Variants in WWP1 observed in about 807,000 individuals in gnomAD.
WWP1 encodes WW domain containing E3 ubiquitin protein ligase 1.
WWP1 carries 49 observed loss-of-function variants against 130.6 expected under a neutral mutation model. The observed-to-expected ratio is 0.38, with a 90% CI of 0.30 to 0.48. WWP1 has a LOEUF of 0.48. Ranked by LOEUF, WWP1 falls within the 20% of genes least tolerant of loss-of-function variation. The pLI is 0.99. For missense variants in WWP1, 809 were observed against 1,100.6 expected, an observed-to-expected ratio of 0.74 and a Z score of 3.75; for synonymous variants, 332 against 367.8, an observed-to-expected ratio of 0.90 and a Z score of 1.11.
chr8:86,344,608 G>C (rs1822457116), intron 1 of WWP1, among the ~76,000 whole-genome samples: 1 of 152,194 alleles, frequency 6.6e-6, no homozygotes, highest in Non-Finnish European at 1.5e-5. Context: ...AATCCTCTCA[G>C]AAGTCAACTT....
In WWP1 at chr8:86,342,919, G is replaced by A; in HGVS notation, c.-126G>A. 2.9e-6 allele frequency: 1 copy of A among 350,206 alleles called. No homozygotes were observed. Among genetic ancestry groups the A allele is most frequent in the Non-Finnish European group, 5.1e-6 (1 of 194,850 alleles). The allele number at this position is 350,206 out of a possible 1,614,324, so 21.7% of individuals were successfully genotyped here. On this transcript the variant is annotated 5_prime_UTR_variant, in exon 1 of 25. Transcript: ENST00000517970. ...GCCGCCCGGCTGCCGGGAGCCGACA[G>A]CTTCGCGCCGGGTAAGGACGGCGCG...
intron 21 of WWP1, among the ~76,000 whole-genome samples, chr8:86,455,411 C>T (rs1811380731): frequency 1.3e-5 from 2 of 151,838 alleles, no homozygotes. Flanking sequence ...TGATTTTCAG[C>T]TTAGATTAGA....
rs543678766 is a variant in WWP1 at position 86,372,406 on chromosome 8, C to T, written c.-21-1624C>T. On this transcript the variant is annotated intron_variant, in intron 2 of 24. Coordinates refer to ENST00000517970, the MANE Select transcript of WWP1 (RefSeq NM_007013.4). ...AACTCCTGACCTCAGGTGATCCACCCGCCTTGGCCTGCCAAAGTGCTGGGA... is the reference window on the plus strand; with the variant it reads ...AACTCCTGACCTCAGGTGATCCACCTGCCTTGGCCTGCCAAAGTGCTGGGA... Among the ~76,000 whole-genome samples, 134 of 152,312 alleles carry T rather than the reference C, an allele frequency of 8.8e-4. 1 individual carries two copies. The highest frequency in any genetic ancestry group is 3.0e-3 in the African/African-American group (123 of 41,570).
At chr8:86,389,498 C>T (rs1825490740) in intron 5 of WWP1, among the ~76,000 whole-genome samples, 1 of 152,202 alleles carries the variant, frequency 6.6e-6, no homozygotes, top group Non-Finnish European at 1.5e-5. Context: ...AACAGCATCC[C>T]AAGGCAGAAG....
intron 4 of WWP1, among the ~76,000 whole-genome samples, chr8:86,381,238 G>A (rs562007408): frequency 1.9e-4 from 29 of 152,240 alleles, no homozygotes; most frequent in South Asian, 1.7e-3. Flanking sequence ...TTACTATGAA[G>A]TCTCAGTAAG....
intron 9 of WWP1, among the ~76,000 whole-genome samples, chr8:86,419,105 C>A (rs954386461): frequency 6.6e-6 from 1 of 152,078 alleles, no homozygotes; most frequent in Non-Finnish European, 1.5e-5. Flanking sequence ...AAAAAAACAA[C>A]CTAGAAAATA....
intron 9 of WWP1, 64 bp downstream of exon 9, chr8:86,411,938 T>C: frequency 1.4e-6 from 2 of 1,380,806 alleles, no homozygotes; most frequent in Non-Finnish European, 2.0e-6. Flanking sequence ...ATACGATTAT[T>C]GAATGTGTGC....
At chr8:86,390,144 G>C (rs569233193) in intron 5 of WWP1, among the ~76,000 whole-genome samples, 5 of 150,986 alleles carry the variant, frequency 3.3e-5, no homozygotes, top group Admixed American at 1.3e-4. Context: ...ATGGGCAGCC[G>C]GGCAGACACG....
At chr8:86,352,318 A>G (rs1253662290) in intron 1 of WWP1, among the ~76,000 whole-genome samples, 1 of 151,984 alleles carries the variant, frequency 6.6e-6, no homozygotes, top group Non-Finnish European at 1.5e-5. Flanking sequence ...TCTCCCTCCC[A>G]GTTTCAAATG....
intron 9 of WWP1, among the ~76,000 whole-genome samples, chr8:86,414,755 TATAG>T (rs1808788244): frequency 1.3e-5 from 2 of 152,188 alleles, no homozygotes; most frequent in Non-Finnish European, 2.9e-5. Flanking sequence ...ATTCACTTTA[TATAG>T]AGATATGTAG....
intron 18 of WWP1, among the ~76,000 whole-genome samples, chr8:86,444,625 A>C (rs1212351798): frequency 6.6e-6 from 1 of 152,220 alleles, no homozygotes; most frequent in Non-Finnish European, 1.5e-5. Context: ...GACATGGTCA[A>C]CCGTCATATG....
chr8:86,463,999 T>C (rs1388679253), intron 24 of WWP1, among the ~76,000 whole-genome samples: 1 of 151,962 alleles, frequency 6.6e-6, no homozygotes, highest in Non-Finnish European at 1.5e-5. Context: ...AAGTCAAGGC[T>C]GCAGTGATCC....
chr8:86,419,689 T>C (rs534913283), intron 9 of WWP1, among the ~76,000 whole-genome samples: 1 of 152,264 alleles, frequency 6.6e-6, no homozygotes, highest in East Asian at 1.9e-4. Context: ...AAACACAAAT[T>C]TCTTTATTGA....
At chr8:86,445,983 T>C (rs1395933450) in intron 18 of WWP1, among the ~76,000 whole-genome samples, 2 of 133,438 alleles carry the variant, frequency 1.5e-5, no homozygotes, top group South Asian at 2.6e-4. Flanking sequence ...TTTCTTTTTT[T>C]TTTTTTTTTT....
chr8:86,412,449 G>A (rs931930620), intron 9 of WWP1, among the ~76,000 whole-genome samples: 13 of 151,886 alleles, frequency 8.6e-5, no homozygotes, highest in African/African-American at 3.1e-4. Flanking sequence ...TTTGACCTTT[G>A]GCACTGATAA....
intron 9 of WWP1, among the ~76,000 whole-genome samples, chr8:86,414,954 A>T: frequency 6.9e-6 from 1 of 145,914 alleles, no homozygotes. Context: ...GACTGAAATA[A>T]TGATAGAATG....
chr8:86,442,841 T>TA (rs71275852), intron 18 of WWP1, 63 bp downstream of exon 18: 11,547 of 1,189,516 alleles, frequency 9.7e-3, no homozygotes, highest in East Asian at 0.011. Flanking sequence ...AGAAGGCTTT[T>TA]AAAAAAAAAA....
intron 18 of WWP1, among the ~76,000 whole-genome samples, chr8:86,444,622 T>C (rs1768416564): frequency 6.6e-6 from 1 of 152,156 alleles, no homozygotes; most frequent in South Asian, 2.1e-4. Context: ...GAAGACATGG[T>C]CAACCGTCAT....
In WWP1 at chr8:86,448,195, C is replaced by T. The variant is rs764928613; in HGVS notation, c.2046C>T (p.Phe682=). The T allele has an allele frequency of 6.3e-7, 1 of 1,575,786 alleles. No individual in the cohort carries two copies. The highest frequency in any genetic ancestry group is 1.2e-5 in the South Asian group (1 of 82,024). The change falls in exon 19 of 25, where the codon TTC becomes TTT. Residue 682 remains phenylalanine, a synonymous_variant. Transcript: ENST00000517970. ...KFIDTGFSLP[F]YKRMLSKKLT... ...TCGATACTGGTTTCTCTTTACCATT[C>T]TACAAGCGTATGTTAAGTAAAAAAC... is the stretch of plus-strand genomic sequence containing the variant.
Sources: allele counts gnomAD v4.1 joint callset (sites outside exome capture counted in the v4.1 genomes callset), GRCh38; gene constraint gnomAD v4.1.1; transcripts MANE v1.5; gene names NCBI Gene and HGNC (gene_info 2026-07-23, HGNC 2026-07-21).